Variants in BCL7B observed in about 807,000 individuals in gnomAD.
The protein encoded by BCL7B is B-cell CLL/lymphoma 7 protein family member B.
Under a neutral mutation model 26.5 loss-of-function variants are expected in BCL7B, and 11 were observed. The ratio of observed to expected loss-of-function variants is 0.42; its 90% CI spans 0.26 to 0.69. The LOEUF (loss-of-function observed/expected upper bound fraction) is 0.69. Ranked by LOEUF, BCL7B falls within the 30% of genes least tolerant of loss-of-function variation. The pLI is 0.28. For synonymous variants in BCL7B, 111 were observed against 107.9 expected (o/e 1.03, Z -0.18); for missense variants, 215 against 264.4 (o/e 0.81, Z 1.30).
At chr7:73,547,721 G>A (rs1792005812) in intron 2 of BCL7B, among the ~76,000 whole-genome samples, 1 of 152,154 alleles carries the variant, frequency 6.6e-6, no homozygotes, top group South Asian at 2.1e-4. Flanking sequence ...GTGAAACAAA[G>A]ATATTTTCAG....
intron 2 of BCL7B, among the ~76,000 whole-genome samples, chr7:73,547,047 G>A (rs1554583556): frequency 1.3e-5 from 2 of 152,156 alleles, no homozygotes; most frequent in African/African-American, 2.4e-5. Context: ...CGCTACTCGC[G>A]AGGCTGAGGC....
At chr7:73,551,829 C>T (rs1554584181) in intron 2 of BCL7B, among the ~76,000 whole-genome samples, 1 of 152,114 alleles carries the variant, frequency 6.6e-6, no homozygotes, top group Non-Finnish European at 1.5e-5. Context: ...GGTGCAGTGG[C>T]TCACGCCTGT....
intron 3 of BCL7B, among the ~76,000 whole-genome samples, chr7:73,541,211 T>C (rs1791759665): frequency 6.6e-6 from 1 of 152,100 alleles, no homozygotes; most frequent in Non-Finnish European, 1.5e-5. Flanking sequence ...ATTCCTCCGC[T>C]GCACCTACAG....
At chr7:73,538,828 A>G (rs1258867749) in intron 4 of BCL7B, among the ~76,000 whole-genome samples, 1 of 151,586 alleles carries the variant, frequency 6.6e-6, no homozygotes, top group Non-Finnish European at 1.5e-5. Flanking sequence ...AAAAAAAAAA[A>G]AAAAAAAAAA....
intron 2 of BCL7B, among the ~76,000 whole-genome samples, chr7:73,544,631 GAAAC>G (rs1478090754): frequency 6.6e-6 from 1 of 151,726 alleles, no homozygotes; most frequent in South Asian, 2.1e-4. Context: ...ATCTCAAAAA[GAAAC>G]AAACAAAAAA....
chr7:73,548,515 G>A (rs982210851), intron 2 of BCL7B, among the ~76,000 whole-genome samples: 2 of 152,106 alleles, frequency 1.3e-5, no homozygotes, highest in African/African-American at 4.8e-5. Flanking sequence ...TACTCAGGAG[G>A]CTGAGGTGGG....
Position 73,552,020 on chromosome 7 carries a change from G to C in BCL7B, c.168+147C>G, listed in dbSNP as rs1554584198. ...GAGGCAGAGAACTGCTTGAACCCAG[G>C]AGGTGGAGGTTGCAGTGAGCCAAGA... On this transcript the variant is annotated intron_variant, in intron 2 of 5. Transcript: ENST00000223368. 3 of 595,578 alleles carry C rather than the reference G, an allele frequency of 5.0e-6. No individual in the cohort carries two copies. In the African/African-American group the frequency reaches 5.7e-5, roughly 11 times the overall value. 36.9% of individuals were successfully genotyped at this position (595,578 alleles called of 1,614,324 possible).
In BCL7B at chr7:73,540,829, CAAAAAAAA is replaced by C. The variant is rs56111929; in HGVS notation, c.266-785_266-778del. Among the ~76,000 whole-genome samples the C allele has an allele frequency of 6.8e-3, 346 of 50,934 alleles. 6 individuals carry two copies. Among genetic ancestry groups the C allele is most frequent in the African/African-American group, 0.023 (280 of 12,390 alleles). The allele number at this position is 50,934 out of a possible 152,430, so 33.4% of individuals were successfully genotyped here. The stretch of plus-strand genomic sequence containing the variant: ...TGAGCAACAGAGCGAGACTCTGTCT[CAAAAAAAA>C]AAAAAAAAAAAAAAAAAAGAGTTAC... On this transcript the variant is annotated intron_variant, in intron 3 of 5. Coordinates refer to ENST00000223368, the MANE Select transcript of BCL7B (RefSeq NM_001707.4).
At position 73,557,020 on chromosome 7, in the gene BCL7B, T is replaced by C. The variant is rs1223089618; in HGVS notation, c.92+467A>G. 8 of 987,436 alleles carry C rather than the reference T, an allele frequency of 8.1e-6. No individual in the cohort carries two copies. The South Asian group carries it at 1.4e-4, about 17-fold the overall frequency. 61.2% of individuals were successfully genotyped at this position (987,436 alleles called of 1,614,324 possible). A position where few individuals can be genotyped will look rare whatever the true frequency, so the allele number is the denominator to read the frequency against. On this transcript the variant is annotated intron_variant, in intron 1 of 5. Transcript: ENST00000223368. ...ACACCAGGCTTGCTCCCTTGACAGA[T>C]GGACTAACCCAGAAACTCACCCAAC...
intron 3 of BCL7B, among the ~76,000 whole-genome samples, chr7:73,540,829 C>CAAAGAAAAA (rs1185621706): frequency 5.9e-5 from 3 of 50,942 alleles, no homozygotes; most frequent in African/African-American, 2.4e-4. Context: ...GACTCTGTCT[C>CAAAGAAAAA]AAAAAAAAAA....
chr7:73,544,937 T>G (rs1791900495), intron 2 of BCL7B, among the ~76,000 whole-genome samples: 1 of 151,872 alleles, frequency 6.6e-6, no homozygotes, highest in Non-Finnish European at 1.5e-5. Flanking sequence ...CATAGGCTGG[T>G]GGTCCCAGCT....
intron 3 of BCL7B, among the ~76,000 whole-genome samples, chr7:73,542,342 G>A (rs940343044): frequency 2.0e-5 from 3 of 152,224 alleles, no homozygotes; most frequent in Admixed American, 6.5e-5. Flanking sequence ...TGACCTTGGT[G>A]GGGCCTGGGA....
chr7:73,540,137 T>A, intron 3 of BCL7B, 85 bp from the exon 4 acceptor site: 1 of 1,444,588 alleles, frequency 6.9e-7, no homozygotes. Context: ...GGGCCTGGCA[T>A]CACTTTAGGC....
At position 73,557,483 on chromosome 7, in the gene BCL7B, T is replaced by C; in HGVS notation, c.92+4A>G. The C allele has an allele frequency of 7.1e-7, 1 of 1,399,320 alleles. No homozygotes were observed. Among genetic ancestry groups the C allele is most frequent in the African/African-American group, 1.5e-5 (1 of 64,618 alleles). 86.7% of individuals were successfully genotyped at this position (1,399,320 alleles called of 1,614,324 possible). On this transcript the variant is annotated splice_donor_region_variant and intron_variant, in intron 1 of 5. Transcript: ENST00000223368. ...CGCCAGCCCCCTAAGCTCCGGCCCC[T>C]CACCATTTCCGCACTTTCTCGATGG...
chr7:73,539,679 C>G lies in BCL7B; in HGVS notation c.436+203G>C, dbSNP rs1791680529. On this transcript the variant is annotated intron_variant, in intron 4 of 5. Coordinates refer to ENST00000223368, the MANE Select transcript of BCL7B (RefSeq NM_001707.4). ...AAATACTCAAGTTCCTTCCACACAG[C>G]CTGGCACGCAACTCTAATGCTTGTT... The G allele has an allele frequency of 5.1e-6, 3 of 591,490 alleles. No homozygotes were observed. In the Admixed American group the frequency reaches 9.0e-5, roughly 18 times the overall value. The allele number at this position is 591,490 out of a possible 1,614,324, so 36.6% of individuals were successfully genotyped here.
intron 1 of BCL7B, among the ~76,000 whole-genome samples, chr7:73,554,073 A>C (rs1353999365): frequency 6.6e-6 from 1 of 151,488 alleles, no homozygotes; most frequent in East Asian, 1.9e-4. Context: ...GCTCAGGTGA[A>C]TCTCCCATCT....
chr7:73,544,098 T>C (rs553340965), intron 2 of BCL7B, among the ~76,000 whole-genome samples: 66 of 152,248 alleles, frequency 4.3e-4, no homozygotes, highest in African/African-American at 1.5e-3. Flanking sequence ...GCTGGCTCTA[T>C]TCCTGATCCG....
intron 1 of BCL7B, chr7:73,557,245 AG>A: frequency 9.1e-7 from 1 of 1,101,062 alleles, no homozygotes; most frequent in Non-Finnish European, 1.1e-6. Flanking sequence ...ATCCCCTCCC[AG>A]GCGGCGCGCG....
intron 2 of BCL7B, among the ~76,000 whole-genome samples, chr7:73,548,334 A>G (rs1792031991): frequency 6.6e-6 from 1 of 152,074 alleles, no homozygotes; most frequent in Non-Finnish European, 1.5e-5. Flanking sequence ...AGGCTGAGGC[A>G]GGAGAATTGC....
Sources: allele counts gnomAD v4.1 joint callset (sites outside exome capture counted in the v4.1 genomes callset), GRCh38; gene constraint gnomAD v4.1.1; transcripts MANE v1.5; gene names NCBI Gene and HGNC (gene_info 2026-07-23, HGNC 2026-07-21).